RAB33B: variants seen among roughly 807,000 people sequenced by gnomAD.
The protein encoded by RAB33B is RAB33B, member RAS oncogene family.
A neutral mutation model predicts 15.0 loss-of-function variants in RAB33B; 6 were observed. The observed-to-expected ratio is 0.40, with a 90% CI of 0.22 to 0.79. The LOEUF is 0.79. Ranked by LOEUF, RAB33B falls within the 30% of genes least tolerant of loss-of-function variation. RAB33B has a pLI of 0.37. For synonymous variants in RAB33B, 117 were observed against 108.3 expected, an observed-to-expected ratio of 1.08 and a Z score of -0.50; for missense variants, 257 against 296.4, an observed-to-expected ratio of 0.87 and a Z score of 0.98.
chr4:139,454,057 G>T (rs992542715), upstream of RAB33B: 4 of 1,036,166 alleles, frequency 3.9e-6, no homozygotes, highest in South Asian at 3.4e-5. Context: ...GCGCAGGCGC[G>T]CTCGGGGCTG....
chr4:139,440,855 T>A, the RAB33B span, among the ~76,000 whole-genome samples: 1 of 152,218 alleles, frequency 6.6e-6, no homozygotes, highest in Non-Finnish European at 1.5e-5. Flanking sequence ...AGGTGACCCA[T>A]CCACCTCAAC....
At chr4:139,469,352 T>C (rs35874059) in intron 1 of RAB33B, among the ~76,000 whole-genome samples, 29,108 of 152,180 alleles carry the variant, frequency 0.19, 3,166 homozygotes, top group Non-Finnish European at 0.25. Context: ...TAAAGGACTC[T>C]GATGCATTCT....
intron 1 of RAB33B, among the ~76,000 whole-genome samples, chr4:139,456,143 A>C (rs1750064123): frequency 6.6e-6 from 1 of 152,232 alleles, no homozygotes; most frequent in Non-Finnish European, 1.5e-5. Context: ...GCCTTTAAAA[A>C]GATTCTTTGT....
At chr4:139,449,285 G>A (rs1749880671), upstream of RAB33B, 1 of 152,186 alleles carries the variant, frequency 6.6e-6, no homozygotes, top group African/African-American at 2.4e-5. Flanking sequence ...TGTATTAGGT[G>A]TAATTATGAC....
chr4:139,444,128 A>T, the RAB33B span, among the ~76,000 whole-genome samples: 1 of 152,220 alleles, frequency 6.6e-6, no homozygotes, highest in Non-Finnish European at 1.5e-5. Context: ...CAATGGTGGA[A>T]GGAACACAGA....
At chr4:139,439,141 C>T in the RAB33B span, among the ~76,000 whole-genome samples, 1 of 152,140 alleles carries the variant, frequency 6.6e-6, no homozygotes, top group Non-Finnish European at 1.5e-5. Context: ...GCTGGGACTA[C>T]AGGCACCCAC....
At chr4:139,453,981 A>AGGCGGCTCCGTGCGGCGGGGCG (rs1330165235), upstream of RAB33B, 1 of 436,950 alleles carries the variant, frequency 2.3e-6, no homozygotes, top group Middle Eastern at 6.0e-4. Context: ...GGCCGCGGGC[A>AGGCGGCTCCGTGCGGCGGGGCG]GGCGGCTCCG....
chr4:139,464,277 CA>C (rs1388203898), intron 1 of RAB33B, among the ~76,000 whole-genome samples: 1 of 148,248 alleles, frequency 6.7e-6, no homozygotes, highest in Admixed American at 6.8e-5. Flanking sequence ...GACCCCGTCT[CA>C]AAAAATAAAA....
intron 1 of RAB33B, among the ~76,000 whole-genome samples, chr4:139,467,308 CTTTTTTTTTTT>C (rs70943422): frequency 0.17 from 3,012 of 17,406 alleles, 224 homozygotes; most frequent in African/African-American, 0.33. Context: ...CCCCCCGCCG[CTTTTTTTTTTT>C]TTTTTTTTTT....
rs1043877730 is a variant in RAB33B at position 139,472,621 on chromosome 4, A to G, written c.250-65A>G. 2.9e-5 allele frequency: 33 copies of G among 1,150,196 alleles called. No homozygotes were observed. The Admixed American group carries it at 3.8e-4, about 13-fold the overall frequency. 71.2% of individuals were successfully genotyped at this position (1,150,196 alleles called of 1,614,324 possible). On this transcript the variant is annotated intron_variant, in intron 1 of 1. Coordinates refer to ENST00000305626, the MANE Select transcript of RAB33B (RefSeq NM_031296.3). Reference sequence around the variant, plus strand: ...ATAATAAAGACAATGCAAGATGATTACATTTCTTGATATGTATAATTGGAA... The same window carrying G: ...ATAATAAAGACAATGCAAGATGATTGCATTTCTTGATATGTATAATTGGAA...
chr4:139,470,495 A>C (rs114354372), intron 1 of RAB33B, among the ~76,000 whole-genome samples: 2 of 152,208 alleles, frequency 1.3e-5, no homozygotes, highest in Admixed American at 1.3e-4. Context: ...GCTGTCCAAG[A>C]GTCAAGTCCT....
At chr4:139,444,615 G>A in the RAB33B span, among the ~76,000 whole-genome samples, 395 of 152,276 alleles carry the variant, frequency 2.6e-3, no homozygotes, top group Non-Finnish European at 4.5e-3. Flanking sequence ...CTGAGCTGAC[G>A]TTGATTCTAG....
In RAB33B at chr4:139,474,320, T is replaced by C. The variant is rs1750459309; in HGVS notation, c.*1194T>C. 6.6e-6 allele frequency: 1 copy of C among 152,206 alleles called. No individual in the cohort carries two copies. Among genetic ancestry groups the C allele is most frequent in the South Asian group, 2.1e-4 (1 of 4,838 alleles). 9.4% of individuals were successfully genotyped at this position (152,206 alleles called of 1,614,324 possible). ...TTGGTATATTTAAACAGTGAAAAAC[T>C]AACTGAAAGCACATGAAGAGTTGTA... is the stretch of plus-strand genomic sequence containing the variant. On this transcript the variant is annotated 3_prime_UTR_variant, in exon 2 of 2. Coordinates refer to ENST00000305626, the MANE Select transcript of RAB33B (RefSeq NM_031296.3).
chr4:139,459,394 C>A (rs181788522), intron 1 of RAB33B, among the ~76,000 whole-genome samples: 439 of 152,178 alleles, frequency 2.9e-3, no homozygotes, highest in South Asian at 0.018. Flanking sequence ...CATGATCACA[C>A]CATTGCTCTC....
Position 139,454,167 on chromosome 4 carries a change from TC to T in RAB33B, c.-27del. 6.3e-7 allele frequency: 1 copy of T among 1,590,088 alleles called. No individual in the cohort carries two copies. Among genetic ancestry groups the T allele is most frequent in the East Asian group, 2.2e-5 (1 of 44,654 alleles). On this transcript the variant is annotated 5_prime_UTR_variant, in exon 1 of 2. Coordinates refer to ENST00000305626, the MANE Select transcript of RAB33B (RefSeq NM_031296.3). ...CTCAGCCTTTCTGTGTCTCCTTTCC[TC>T]CGCCTCAGTTTGGGGCGGGTCGGGG...
chr4:139,447,556 C>T, the RAB33B span, among the ~76,000 whole-genome samples: 7 of 151,630 alleles, frequency 4.6e-5, no homozygotes, highest in Non-Finnish European at 7.4e-5. Context: ...GTCACCTGGA[C>T]ACTTGGGGCT....
Position 139,472,937 on chromosome 4 carries a change from T to C in RAB33B, c.501T>C (p.Ala167=). ...QVPTDLAQKF[A]DTHSMPLFET... is the part of the protein sequence containing the mutation. ...CCACAGACTTGGCACAAAAATTTGCTGACACACACAGTATGCCTTTGTTTG... is the reference window on the plus strand; with the variant it reads ...CCACAGACTTGGCACAAAAATTTGCCGACACACACAGTATGCCTTTGTTTG... The change falls in exon 2 of 2, where the codon GCT becomes GCC. Residue 167 remains alanine, a synonymous_variant. Coordinates refer to ENST00000305626, the MANE Select transcript of RAB33B (RefSeq NM_031296.3). The C allele has an allele frequency of 6.2e-7, 1 of 1,614,212 alleles. No homozygotes were observed. Among genetic ancestry groups the C allele is most frequent in the Non-Finnish European group, 8.5e-7 (1 of 1,180,038 alleles).
At chr4:139,442,695 CTG>C in the RAB33B span, among the ~76,000 whole-genome samples, 6 of 152,320 alleles carry the variant, frequency 3.9e-5, no homozygotes, top group East Asian at 1.2e-3. Context: ...GGAACTCGGA[CTG>C]GCTTCCTTTC....
chr4:139,443,851 T>C, the RAB33B span, among the ~76,000 whole-genome samples: 2 of 152,134 alleles, frequency 1.3e-5, no homozygotes, highest in African/African-American at 4.8e-5. Flanking sequence ...AGATAAACCC[T>C]ACACTGCCTG....
Sources: gnomAD v4.1 joint callset for allele counts (sites outside exome capture counted in the v4.1 genomes callset) on GRCh38, gnomAD v4.1.1 for gene constraint, MANE v1.5 for transcripts, NCBI Gene and HGNC (gene_info 2026-07-23, HGNC 2026-07-21) for gene names.